The following THEM4 variants were observed in gnomAD, a reference collection of about 807,000 sequenced individuals.
THEM4 encodes the protein acyl-coenzyme A thioesterase THEM4.
THEM4 carries 22 observed loss-of-function variants against 25.0 expected under a neutral mutation model. The observed-to-expected ratio is 0.88, with a 90% CI of 0.63 to 1.26. THEM4 has a LOEUF of 1.26. Ranked by LOEUF, THEM4 falls within the 50% of genes most tolerant of loss-of-function variation. THEM4 has a pLI of 0.00. For missense variants in THEM4, 286 were observed against 300.3 expected, an observed-to-expected ratio of 0.95 and a Z score of 0.35; for synonymous variants, 113 against 105.6, an observed-to-expected ratio of 1.07 and a Z score of -0.43.
At chr1:151,879,454 T>C (rs1000348261) in intron 4 of THEM4, among the ~76,000 whole-genome samples, 6 of 151,924 alleles carry the variant, frequency 3.9e-5, no homozygotes, top group East Asian at 1.9e-4. Context: ...GGCCAGAACA[T>C]TGGCTTGTAA....
chr1:151,881,682 C>A (rs1326201005), intron 4 of THEM4, among the ~76,000 whole-genome samples: 1 of 152,154 alleles, frequency 6.6e-6, no homozygotes, highest in African/African-American at 2.4e-5. Flanking sequence ...TGTAATGGTG[C>A]CCTCTTGCTT....
intron 3 of THEM4, 59 bp from the exon 4 acceptor site, chr1:151,888,442 C>G: frequency 7.7e-7 from 1 of 1,296,708 alleles, no homozygotes; most frequent in Non-Finnish European, 1.1e-6. Flanking sequence ...TAGAGAGCCT[C>G]TTGAAAGAGA....
intron 1 of THEM4, among the ~76,000 whole-genome samples, chr1:151,901,909 T>C (rs10888449): frequency 0.92 from 139,391 of 152,260 alleles, 63,802 homozygotes; most frequent in East Asian, 0.95. Context: ...GGGTCAAAAA[T>C]GAAATCAAGA....
At chr1:151,897,046 G>A (rs547744186) in intron 1 of THEM4, among the ~76,000 whole-genome samples, 1 of 152,256 alleles carries the variant, frequency 6.6e-6, no homozygotes, top group East Asian at 1.9e-4. Context: ...GCAACAAATG[G>A]AACATTGCAG....
rs1490187 is a variant in THEM4, at chr1:151,871,920, C to T, written c.*2968G>A. Among the ~76,000 whole-genome samples, 134,086 of 152,286 alleles carry T rather than the reference C, an allele frequency of 0.88. 59,379 individuals are homozygous for T. The highest frequency in any genetic ancestry group is 0.94 in the East Asian group (4,870 of 5,190). On this transcript the variant is annotated 3_prime_UTR_variant, in exon 6 of 6. Coordinates refer to ENST00000368814, the MANE Select transcript of THEM4 (RefSeq NM_053055.5). ...TAAGTGAAACTAGCTAAATGAGCAG[C>T]GCTGGCTTATTCCTTCGGAGTCATA...
chr1:151,881,482 G>T (rs1016287958), intron 4 of THEM4, among the ~76,000 whole-genome samples: 2 of 152,180 alleles, frequency 1.3e-5, no homozygotes, highest in African/African-American at 4.8e-5. Context: ...CCACCATTTA[G>T]GAGCTCCCTG....
Position 151,874,865 on chromosome 1 carries a change from A to G in THEM4, c.*23T>C, listed in dbSNP as rs1258558028. On this transcript the variant is annotated 3_prime_UTR_variant, in exon 6 of 6. Coordinates refer to ENST00000368814, the MANE Select transcript of THEM4 (RefSeq NM_053055.5). Reference sequence around the variant, plus strand: ...TGCTTCTTCTGGAGGGGCGAGAATGAGATGGAGTTCACCAGCAGCTCTTTA... The same window carrying G: ...TGCTTCTTCTGGAGGGGCGAGAATGGGATGGAGTTCACCAGCAGCTCTTTA... The G allele has an allele frequency of 6.2e-7, 1 of 1,611,666 alleles. No individual in the cohort carries two copies. Among genetic ancestry groups the G allele is most frequent in the Non-Finnish European group, 8.5e-7 (1 of 1,178,418 alleles).
At chr1:151,888,443 T>A in intron 3 of THEM4, 60 bp from the exon 4 acceptor site, 1 of 1,293,402 alleles carries the variant, frequency 7.7e-7, no homozygotes, top group South Asian at 1.3e-5. Context: ...AGAGAGCCTC[T>A]TGAAAGAGAA....
intron 2 of THEM4, 40 bp from the exon 3 acceptor site, chr1:151,889,413 TGA>T: frequency 1.7e-5 from 27 of 1,598,774 alleles, no homozygotes; most frequent in Non-Finnish European, 2.3e-5. Flanking sequence ...GAAACAAGGG[TGA>T]GAGAAATGCC....
chr1:151,872,549 A>C lies in THEM4; in HGVS notation c.*2339T>G, dbSNP rs1393487951. Among the ~76,000 whole-genome samples the C allele has an allele frequency of 1.3e-5, 2 of 152,286 alleles. No homozygotes were observed. Among genetic ancestry groups the C allele is most frequent in the Non-Finnish European group, 2.9e-5 (2 of 68,028 alleles). On this transcript the variant is annotated 3_prime_UTR_variant, in exon 6 of 6. Coordinates refer to ENST00000368814, the MANE Select transcript of THEM4 (RefSeq NM_053055.5). ...GATCAGACTGTTACTGTGTCTATGT[A>C]GAAAGGAAGACATGAGAAATTCCAT...
At chr1:151,877,733 A>G (rs1220141644) in intron 4 of THEM4, among the ~76,000 whole-genome samples, 4 of 152,184 alleles carry the variant, frequency 2.6e-5, no homozygotes, top group Admixed American at 6.5e-5. Flanking sequence ...ATAACTGAGA[A>G]GTTGAGTCCT....
At chr1:151,899,705 C>T (rs369647930) in intron 1 of THEM4, among the ~76,000 whole-genome samples, 2 of 152,008 alleles carry the variant, frequency 1.3e-5, no homozygotes, top group African/African-American at 4.8e-5. Flanking sequence ...AGGAAGAGGA[C>T]AATTCTAAAA....
At chr1:151,877,791 CAT>C (rs1653716042) in intron 4 of THEM4, among the ~76,000 whole-genome samples, 1 of 152,138 alleles carries the variant, frequency 6.6e-6, no homozygotes, top group Non-Finnish European at 1.5e-5. Context: ...TAAATAGCTA[CAT>C]GTGACTAGTG....
chr1:151,887,457 T>A (rs1463707172), intron 4 of THEM4, among the ~76,000 whole-genome samples: 2 of 150,586 alleles, frequency 1.3e-5, no homozygotes, highest in East Asian at 1.9e-4. Flanking sequence ...AATAAAAAAA[T>A]TAAAAATAAA....
chr1:151,884,465 A>G (rs1216420138), intron 4 of THEM4, among the ~76,000 whole-genome samples: 4 of 152,196 alleles, frequency 2.6e-5, no homozygotes, highest in South Asian at 2.1e-4. Context: ...CGGGGTAGTT[A>G]TAATAGGAAA....
chr1:151,876,935 C>A lies in THEM4; in HGVS notation c.682+66G>T, dbSNP rs1572071562. On this transcript the variant is annotated intron_variant, in intron 5 of 5. Coordinates refer to ENST00000368814, the MANE Select transcript of THEM4 (RefSeq NM_053055.5). ...ACAAAACCCAAATCAACCAACCAAC[C>A]AACCAACCAAAACTCCCAACCCAAC... The A allele has an allele frequency of 5.2e-6, 8 of 1,528,998 alleles. No individual in the cohort carries two copies. In the East Asian group the frequency reaches 1.9e-4, roughly 36 times the overall value. 94.7% of individuals were successfully genotyped at this position (1,528,998 alleles called of 1,614,324 possible). A position where few individuals can be genotyped will look rare whatever the true frequency, so the allele number is the denominator to read the frequency against.
intron 2 of THEM4, 39 bp from the exon 3 acceptor site, chr1:151,889,412 G>T: frequency 6.2e-7 from 1 of 1,601,250 alleles, no homozygotes; most frequent in Non-Finnish European, 8.5e-7. Flanking sequence ...AGAAACAAGG[G>T]TGAGAGAAAT....
At chr1:151,898,610 C>T (rs1349612561) in intron 1 of THEM4, among the ~76,000 whole-genome samples, 1 of 152,262 alleles carries the variant, frequency 6.6e-6, no homozygotes, top group Non-Finnish European at 1.5e-5. Flanking sequence ...GAAAGTGCCA[C>T]CTCTTGGCAG....
intron 4 of THEM4, 37 bp downstream of exon 4, chr1:151,888,236 A>C: frequency 1.3e-6 from 2 of 1,541,078 alleles, no homozygotes; most frequent in Middle Eastern, 2.2e-4. Flanking sequence ...TGACTTAACA[A>C]CACCTAAGGA....
Sources: gnomAD v4.1 joint callset for allele counts (sites outside exome capture counted in the v4.1 genomes callset) on GRCh38, gnomAD v4.1.1 for gene constraint, MANE v1.5 for transcripts, NCBI Gene and HGNC (gene_info 2026-07-23, HGNC 2026-07-21) for gene names.